The following KMT2C variants were observed in gnomAD, a reference collection of about 807,000 sequenced individuals.
KMT2C encodes the protein histone-lysine N-methyltransferase 2C.
A neutral mutation model predicts 507.9 loss-of-function variants in KMT2C; 88 were observed. That is an observed-to-expected ratio of 0.17 (90% CI 0.15 to 0.21). The LOEUF is 0.21. Among genes scored for constraint, KMT2C ranks in the 10% least tolerant of loss-of-function variants. The pLI, the probability that KMT2C is intolerant of heterozygous loss-of-function variation, is 1.00. For synonymous variants in KMT2C, 2,049 were observed against 2,080.8 expected (o/e 0.98, Z 0.42); for missense variants, 4,954 against 5,957.8 (o/e 0.83, Z 5.55).
At chr7:152,228,388 C>T (rs1184563125) in intron 18 of KMT2C, among the ~76,000 whole-genome samples, 1 of 152,196 alleles carries the variant, frequency 6.6e-6, no homozygotes. Context: ...AAACAATTGC[C>T]TCCTACAATA....
intron 14 of KMT2C, among the ~76,000 whole-genome samples, chr7:152,245,948 G>A (rs114868267): frequency 0.018 from 2,804 of 152,190 alleles, 85 homozygotes; most frequent in African/African-American, 0.064. Flanking sequence ...TTATTTTACA[G>A]CCAATCCCCA....
At chr7:152,364,629 A>AAAAAAAAAAAG (rs1554679999) in intron 1 of KMT2C, among the ~76,000 whole-genome samples, 4 of 147,764 alleles carry the variant, frequency 2.7e-5, no homozygotes, top group African/African-American at 1.0e-4. Flanking sequence ...AAGAAAAGAA[A>AAAAAAAAAAAG]AAAAGAAAAA....
At chr7:152,341,395 G>A (rs1207783032) in intron 2 of KMT2C, among the ~76,000 whole-genome samples, 2 of 152,204 alleles carry the variant, frequency 1.3e-5, no homozygotes, top group Non-Finnish European at 2.9e-5. Flanking sequence ...AGACATATAG[G>A]TGTCTTTGCT....
chr7:152,151,303 A>C, intron 50 of KMT2C, 139 bp downstream of exon 50: 1 of 840,046 alleles, frequency 1.2e-6, no homozygotes, highest in South Asian at 1.8e-5. Context: ...CACATCTGAT[A>C]TACGCTGGTG....
At chr7:152,311,546 G>A (rs1258097583) in intron 5 of KMT2C, among the ~76,000 whole-genome samples, 3 of 121,780 alleles carry the variant, frequency 2.5e-5, no homozygotes, top group African/African-American at 6.2e-5. Flanking sequence ...AGATCTCCAT[G>A]GCACCGCTAT....
chr7:152,197,729 T>C (rs1364401046), intron 27 of KMT2C, among the ~76,000 whole-genome samples: 2 of 152,096 alleles, frequency 1.3e-5, no homozygotes, highest in African/African-American at 4.8e-5. Flanking sequence ...ATCATTAAAA[T>C]TGATATAATA....
chr7:152,253,445 T>C (rs1304473402), intron 9 of KMT2C, among the ~76,000 whole-genome samples: 1 of 126,648 alleles, frequency 7.9e-6, no homozygotes, highest in Non-Finnish European at 1.5e-5. Flanking sequence ...GAGGCCAAGA[T>C]GGGAGGATCG....
chr7:152,257,882 C>CA (rs1395432365), intron 9 of KMT2C, among the ~76,000 whole-genome samples: 6 of 150,734 alleles, frequency 4.0e-5, no homozygotes, highest in African/African-American at 1.5e-4. Context: ...CACACACACA[C>CA]ACAAAAAAAA....
At position 152,158,881 on chromosome 7, in the gene KMT2C, C is replaced by A; in HGVS notation, c.11652G>T (p.Thr3884=). The change falls in exon 44 of 59, where the codon ACG becomes ACT. Residue 3884 remains threonine (T), a synonymous_variant. Coordinates refer to ENST00000262189, the MANE Select transcript of KMT2C (RefSeq NM_170606.3). The part of the protein sequence containing the change: ...EKQAMYSSTD[T]FTHLKQQNNL... ...CCCTCACCTGTTTCAAGTGGGTAAA[C>A]GTGTCAGTGCTAGAGTACATAGCTT... 2 of 1,614,042 alleles carry A rather than the reference C, an allele frequency of 1.2e-6. No individual in the cohort carries two copies. The highest frequency in any genetic ancestry group is 1.7e-6 in the Non-Finnish European group (2 of 1,179,914).
rs1367054716 is a variant in KMT2C at position 152,158,888 on chromosome 7, G to C, written c.11645C>G (p.Thr3882Ser). The C allele has an allele frequency of 1.2e-6, 2 of 1,614,142 alleles. No individual in the cohort carries two copies. Among genetic ancestry groups the C allele is most frequent in the Non-Finnish European group, 8.5e-7 (1 of 1,179,972 alleles). Residue 3882 changes from threonine to serine, a missense_variant, in exon 44 of 59, where the codon ACT becomes AGT. This residue lies in a region of KMT2C where 801 missense variants were observed against 751.2 expected (regional missense o/e 1.07). Transcript: ENST00000262189. The part of the protein sequence containing the change: ...EEEKQAMYSS[T>S]DTFTHLKQQN... ...CTGTTTCAAGTGGGTAAACGTGTCA[G>C]TGCTAGAGTACATAGCTTGTTTCTC...
At chr7:152,398,975 C>A (rs2097554563) in intron 1 of KMT2C, among the ~76,000 whole-genome samples, 2 of 151,568 alleles carry the variant, frequency 1.3e-5, no homozygotes, top group Admixed American at 1.3e-4. Flanking sequence ...TACAGGTTCG[C>A]ACCACCAAGC....
chr7:152,414,697 T>C (rs1211987493), intron 1 of KMT2C, among the ~76,000 whole-genome samples: 1 of 151,982 alleles, frequency 6.6e-6, no homozygotes, highest in Non-Finnish European at 1.5e-5. Flanking sequence ...GGTTTCACCA[T>C]GTTGGTCAGG....
chr7:152,277,981 G>A (rs1337783974), intron 6 of KMT2C, among the ~76,000 whole-genome samples: 3 of 152,168 alleles, frequency 2.0e-5, no homozygotes, highest in Non-Finnish European at 4.4e-5. Context: ...GTATGTGTGT[G>A]TGTGTACACA....
At chr7:152,255,390 T>C (rs1480300591) in intron 9 of KMT2C, among the ~76,000 whole-genome samples, 1 of 151,824 alleles carries the variant, frequency 6.6e-6, no homozygotes, top group Non-Finnish European at 1.5e-5. Context: ...TGTCTCAAAC[T>C]CCTGAGCTCA....
intron 7 of KMT2C, among the ~76,000 whole-genome samples, chr7:152,267,611 ACT>A (rs1357109236): frequency 1.3e-5 from 2 of 152,308 alleles, no homozygotes; most frequent in East Asian, 3.9e-4. Flanking sequence ...CCTACCTAAT[ACT>A]CTGTCTCGCT....
At chr7:152,411,038 T>C (rs111358541) in intron 1 of KMT2C, among the ~76,000 whole-genome samples, 1 of 151,962 alleles carries the variant, frequency 6.6e-6, no homozygotes, top group Non-Finnish European at 1.5e-5. Flanking sequence ...TATATATGTA[T>C]ATGTGTGTAT....
chr7:152,243,584 C>T (rs559987219), intron 14 of KMT2C, among the ~76,000 whole-genome samples: 1 of 152,026 alleles, frequency 6.6e-6, no homozygotes, highest in Non-Finnish European at 1.5e-5. Context: ...GAATTCGAGA[C>T]CAGCCTAACC....
At chr7:152,355,497 TAAG>T (rs1233193457) in intron 2 of KMT2C, among the ~76,000 whole-genome samples, 2 of 150,564 alleles carry the variant, frequency 1.3e-5, no homozygotes, top group East Asian at 3.9e-4. Flanking sequence ...ACCTAATACA[TAAG>T]AAGATGAGCG....
At position 152,149,077 on chromosome 7, in the gene KMT2C, T is replaced by A; in HGVS notation, c.12850A>T (p.Ile4284Phe). The stretch of plus-strand genomic sequence containing the variant: ...AGACAGTGCACATCCAAAGTGGAGA[T>A]GTTGTTGCTGTACTGATGAAATGCT... ...SKAFHQYSNN[I>F]STLDVHCLPQ... Residue 4284 changes from isoleucine (I) to phenylalanine (F), a missense_variant, in exon 52 of 59, where the codon ATC (isoleucine) becomes TTC (phenylalanine). Physicochemically the swap from Ile to Phe is conservative, Grantham distance 21 (BLOSUM62 0). This residue lies in a region of KMT2C where 417 missense variants were observed against 461.1 expected (regional missense o/e 0.90). Coordinates refer to ENST00000262189, the MANE Select transcript of KMT2C (RefSeq NM_170606.3). 1 of 1,522,516 alleles carries A rather than the reference T, an allele frequency of 6.6e-7. No homozygotes were observed. The highest frequency in any genetic ancestry group is 8.8e-7 in the Non-Finnish European group (1 of 1,138,798). 94.3% of individuals were successfully genotyped at this position (1,522,516 alleles called of 1,614,324 possible).
Sources: gnomAD v4.1 joint callset for allele counts (sites outside exome capture counted in the v4.1 genomes callset) on GRCh38, gnomAD v4.1.1 for gene constraint, gnomAD v4.1.1 regional missense constraint, MANE v1.5 for transcripts, NCBI Gene and HGNC (gene_info 2026-07-23, HGNC 2026-07-21) for gene names.